SLC25A28: variants seen among roughly 807,000 people sequenced by gnomAD.
The protein encoded by SLC25A28 is mitoferrin-2.
In SLC25A28, 10 loss-of-function variants were observed where a neutral mutation model predicts 31.9. The ratio of observed to expected loss-of-function variants is 0.31; its 90% CI spans 0.19 to 0.53. SLC25A28 has a LOEUF of 0.53. SLC25A28 is among the 20% of genes least tolerant of loss of function. The probability of loss-of-function intolerance (pLI) is 0.95; values close to 1 mark genes in which losing one functional copy is unlikely to be tolerated. For missense variants in SLC25A28, 256 were observed against 490.3 expected (o/e 0.52, Z 4.51); for synonymous variants, 208 against 203.6 (o/e 1.02, Z -0.19).
At chr10:99,643,496 GT>G in the SLC25A28 span, among the ~76,000 whole-genome samples, 1 of 151,918 alleles carries the variant, frequency 6.6e-6, no homozygotes, top group East Asian at 1.9e-4. Context: ...TATCAATTTT[GT>G]TGATCTTTTC....
At chr10:99,617,338 C>G in intron 1 of SLC25A28, 1 of 985,436 alleles carries the variant, frequency 1.0e-6, no homozygotes, top group Non-Finnish European at 1.2e-6. Flanking sequence ...CTCATGGTCC[C>G]TCTCAAGGAT....
At chr10:99,644,427 T>C in the SLC25A28 span, among the ~76,000 whole-genome samples, 2 of 152,320 alleles carry the variant, frequency 1.3e-5, no homozygotes, top group African/African-American at 4.8e-5. Context: ...TGATAGATCT[T>C]CCTCCATCCC....
the SLC25A28 span, among the ~76,000 whole-genome samples, chr10:99,641,783 A>G: frequency 6.6e-6 from 1 of 152,138 alleles, no homozygotes; most frequent in Non-Finnish European, 1.5e-5. Context: ...CTTTCTCCAT[A>G]TGGCTAGCCA....
chr10:99,623,224 A>G (rs2034826389), upstream of SLC25A28, among the ~76,000 whole-genome samples: 1 of 152,186 alleles, frequency 6.6e-6, no homozygotes, highest in Non-Finnish European at 1.5e-5. Context: ...GAACAGAAAG[A>G]AGGCCAGTGT....
At chr10:99,625,161 T>C (rs904423281), upstream of SLC25A28, among the ~76,000 whole-genome samples, 3 of 151,514 alleles carry the variant, frequency 2.0e-5, no homozygotes, top group Non-Finnish European at 4.4e-5. Context: ...CAGTGGGTGT[T>C]ATAGCTCATA....
intron 1 of SLC25A28, chr10:99,618,930 A>G: frequency 3.0e-6 from 3 of 985,460 alleles, no homozygotes; most frequent in Non-Finnish European, 3.6e-6. Context: ...TACATCAAAA[A>G]GCTGCCAGGT....
chr10:99,647,075 A>G, the SLC25A28 span, among the ~76,000 whole-genome samples: 1 of 152,204 alleles, frequency 6.6e-6, no homozygotes, highest in Non-Finnish European at 1.5e-5. Flanking sequence ...CTGCTGATGG[A>G]CACAGTTTGA....
the SLC25A28 span, among the ~76,000 whole-genome samples, chr10:99,650,138 A>G: frequency 6.6e-6 from 1 of 151,968 alleles, no homozygotes; most frequent in African/African-American, 2.4e-5. Context: ...TTGTGCTTTC[A>G]TTTTCATTCA....
In SLC25A28 at chr10:99,620,388, C is replaced by T. The variant is rs2034762393; in HGVS notation, c.-53G>A. ...CCCGCCGCCGCTGCCACCACTGCCG[C>T]CGCCGCCCCCCGGCCCCGTAGTGTC... On this transcript the variant is annotated 5_prime_UTR_variant, in exon 1 of 4. Coordinates refer to ENST00000370495, the MANE Select transcript of SLC25A28 (RefSeq NM_031212.4). 9.3e-7 allele frequency: 1 copy of T among 1,073,808 alleles called. No individual in the cohort carries two copies. Among genetic ancestry groups the T allele is most frequent in the Non-Finnish European group, 1.1e-6 (1 of 887,948 alleles). 66.5% of individuals were successfully genotyped at this position (1,073,808 alleles called of 1,614,324 possible).
At chr10:99,640,919 TA>T in the SLC25A28 span, among the ~76,000 whole-genome samples, 1 of 152,246 alleles carries the variant, frequency 6.6e-6, no homozygotes, top group Non-Finnish European at 1.5e-5. Context: ...GGCTGCATAG[TA>T]TTCCATGGTG....
At position 99,613,790 on chromosome 10, in the gene SLC25A28, C is replaced by G. The variant is rs758658532; in HGVS notation, c.426G>C (p.Gly142=). 6 of 1,614,232 alleles carry G rather than the reference C, an allele frequency of 3.7e-6. No individual in the cohort carries two copies. In the East Asian group the frequency reaches 6.7e-5, roughly 18 times the overall value. Residue 142 remains glycine (G), a synonymous_variant, in exon 2 of 4, where the codon GGG becomes GGC. Coordinates refer to ENST00000370495, the MANE Select transcript of SLC25A28 (RefSeq NM_031212.4). The surrounding 1 kb of genome is among the most constrained non-coding windows in gnomAD (Gnocchi z 4.9). ...AGGCAAAATAAAGGGCGTGGGCAGG[C>G]CCTGCGCCTGTTGCTGTGACGTTCA... ...RGLNVTATGA[G]PAHALYFACY...
chr10:99,624,273 T>C (rs1275131467), upstream of SLC25A28, among the ~76,000 whole-genome samples: 1 of 151,796 alleles, frequency 6.6e-6, no homozygotes, highest in East Asian at 1.9e-4. Flanking sequence ...CTCTCTTTCT[T>C]TTGTAGAGAC....
chr10:99,658,524 G>T, the SLC25A28 span, among the ~76,000 whole-genome samples: 5 of 152,288 alleles, frequency 3.3e-5, no homozygotes, highest in Middle Eastern at 3.4e-3. Context: ...TAAAAAAGGT[G>T]TAGTAGGTCA....
Position 99,610,948 on chromosome 10 carries a change from T to A in SLC25A28, c.996A>T (p.Val332=). ...TGGCTGTGGAGGGGATCTGGTAAATTACTCTGGCCTGCACCCCTCGGAAAT... is the reference window on the plus strand; with the variant it reads ...TGGCTGTGGAGGGGATCTGGTAAATAACTCTGGCCTGCACCCCTCGGAAAT... ...TAYFRGVQAR[V]IYQIPSTAIA... The change falls in exon 4 of 4, where the codon GTA becomes GTT. Residue 332 remains valine (V), a synonymous_variant. Coordinates refer to ENST00000370495, the MANE Select transcript of SLC25A28 (RefSeq NM_031212.4). 2 of 1,614,210 alleles carry A rather than the reference T, an allele frequency of 1.2e-6. No homozygotes were observed. The highest frequency in any genetic ancestry group is 1.7e-6 in the Non-Finnish European group (2 of 1,180,030).
At chr10:99,612,699 G>A in intron 2 of SLC25A28, 100 bp from the exon 3 acceptor site, 1 of 1,361,564 alleles carries the variant, frequency 7.3e-7, no homozygotes, top group Non-Finnish European at 1.0e-6. Context: ...CACTACAGCG[G>A]GGAAAAGTAA....
At chr10:99,619,067 A>G in intron 1 of SLC25A28, 1 of 985,470 alleles carries the variant, frequency 1.0e-6, no homozygotes, top group Non-Finnish European at 1.2e-6. Flanking sequence ...TTACTAATGT[A>G]CAAGAATAAG....
the SLC25A28 span, among the ~76,000 whole-genome samples, chr10:99,652,607 C>T: frequency 1.3e-5 from 2 of 152,086 alleles, no homozygotes; most frequent in Admixed American, 6.6e-5. Flanking sequence ...TGACATGCTA[C>T]ACATGAGGAG....
the SLC25A28 span, among the ~76,000 whole-genome samples, chr10:99,632,830 G>A: frequency 6.6e-6 from 1 of 152,200 alleles, no homozygotes; most frequent in African/African-American, 2.4e-5. Flanking sequence ...TCCTTACTTT[G>A]GGACTAGGTC....
chr10:99,614,974 C>T (rs2034612630), intron 1 of SLC25A28, among the ~76,000 whole-genome samples: 2 of 152,216 alleles, frequency 1.3e-5, no homozygotes, highest in East Asian at 1.9e-4. Flanking sequence ...GCTACAATCA[C>T]TGGTGAGCCA....
Sources: gnomAD v4.1 joint callset for allele counts (sites outside exome capture counted in the v4.1 genomes callset) on GRCh38, gnomAD v4.1.1 for gene constraint, Gnocchi (gnomAD v3.1) non-coding constraint, MANE v1.5 for transcripts, NCBI Gene and HGNC (gene_info 2026-07-23, HGNC 2026-07-21) for gene names.